RRP12: variants seen among roughly 807,000 people sequenced by gnomAD.
RRP12 encodes the protein ribosomal RNA processing 12 homolog.
In RRP12, 78 loss-of-function variants were observed where a neutral mutation model predicts 157.3. The ratio of observed to expected loss-of-function variants is 0.50; its 90% CI spans 0.41 to 0.60. The LOEUF is 0.60. Among genes scored for constraint, RRP12 ranks in the 20% least tolerant of loss-of-function variants. RRP12 has a pLI of 0.00. For missense variants in RRP12, 1,521 were observed against 1,679.9 expected, an observed-to-expected ratio of 0.91 and a Z score of 1.65; for synonymous variants, 726 against 670.9, an observed-to-expected ratio of 1.08 and a Z score of -1.27.
intron 14 of RRP12, 94 bp downstream of exon 14, chr10:97,379,534 C>A: frequency 1.9e-6 from 3 of 1,591,040 alleles, no homozygotes; most frequent in Non-Finnish European, 2.6e-6. Flanking sequence ...GAGCCCTGCA[C>A]TGACACAGAC....
intron 10 of RRP12, among the ~76,000 whole-genome samples, chr10:97,383,947 C>T (rs1018659231): frequency 4.6e-5 from 7 of 152,202 alleles, no homozygotes; most frequent in Non-Finnish European, 7.4e-5. Flanking sequence ...CCTGTCAGAA[C>T]GAGCTGCACT....
At chr10:97,396,091 A>C (rs1169593912) in intron 3 of RRP12, 127 bp downstream of exon 3, 3 of 692,160 alleles carry the variant, frequency 4.3e-6, no homozygotes, top group South Asian at 3.1e-5. Flanking sequence ...CCTGAGAATA[A>C]CTGAAGCACT....
intron 2 of RRP12, among the ~76,000 whole-genome samples, chr10:97,399,718 G>A (rs569676111): frequency 8.2e-5 from 12 of 146,542 alleles, no homozygotes; most frequent in Admixed American, 2.1e-4. Context: ...CAAAAAATTA[G>A]CTACTTGAAT....
At chr10:97,398,278 T>C in intron 2 of RRP12, among the ~76,000 whole-genome samples, 1 of 99,550 alleles carries the variant, frequency 1.0e-5, no homozygotes, top group Admixed American at 1.0e-4. Flanking sequence ...ATGGTCTCGA[T>C]CTCCTGACCT....
At chr10:97,358,821 C>A (rs1843774586) in intron 32 of RRP12, 122 bp downstream of exon 32, 1 of 868,218 alleles carries the variant, frequency 1.2e-6, no homozygotes, top group African/African-American at 1.7e-5. Flanking sequence ...CTTCTTCTTT[C>A]CTGGCCTCAG....
At chr10:97,396,554 T>C (rs562375294) in intron 2 of RRP12, among the ~76,000 whole-genome samples, 169 of 152,268 alleles carry the variant, frequency 1.1e-3, no homozygotes, top group African/African-American at 4.0e-3. Flanking sequence ...CAAATATTTA[T>C]GTACAAGGAT....
At chr10:97,365,935 C>T (rs963496703) in intron 29 of RRP12, 173 bp downstream of exon 29, 1 of 815,310 alleles carries the variant, frequency 1.2e-6, no homozygotes, top group Admixed American at 2.3e-5. Context: ...TCGGTTACAA[C>T]ATAAAAAGAT....
intron 33 of RRP12, among the ~76,000 whole-genome samples, chr10:97,358,145 C>T (rs1208472873): frequency 6.6e-6 from 1 of 151,564 alleles, no homozygotes; most frequent in Non-Finnish European, 1.5e-5. Flanking sequence ...CCATCCCAGC[C>T]AACGCGGTGA....
chr10:97,385,582 C>T (rs1844608911), intron 9 of RRP12, among the ~76,000 whole-genome samples: 1 of 152,094 alleles, frequency 6.6e-6, no homozygotes. Context: ...GATCCCCCCT[C>T]CCAATATCCA....
rs141246567 is a variant in RRP12, at chr10:97,385,183, G to A, written c.1191C>T (p.Ala397=). The A allele has an allele frequency of 1.9e-6, 3 of 1,613,862 alleles. No individual in the cohort carries two copies. Among genetic ancestry groups the A allele is most frequent in the Admixed American group, 1.7e-5 (1 of 60,022 alleles). The change falls in exon 10 of 34, where the codon GCC becomes GCT. Residue 397 remains alanine (A), a synonymous_variant. Transcript: ENST00000370992. The part of the protein sequence containing the change: ...LLAWLKVMEK[A]HINLVRLQWD... ...ATCCGTACCTCACCAGGTTGATGTGGGCTTTCTCCATGACCTTAAGCCAGG... is the reference window on the plus strand; with the variant it reads ...ATCCGTACCTCACCAGGTTGATGTGAGCTTTCTCCATGACCTTAAGCCAGG...
At chr10:97,382,871 C>T (rs1267400041) in intron 10 of RRP12, among the ~76,000 whole-genome samples, 7 of 152,144 alleles carry the variant, frequency 4.6e-5, no homozygotes, top group Admixed American at 2.0e-4. Context: ...AAGCGATTCT[C>T]GTGCCTCAGC....
intron 4 of RRP12, among the ~76,000 whole-genome samples, chr10:97,392,270 C>T (rs1362372212): frequency 1.3e-5 from 2 of 151,868 alleles, no homozygotes; most frequent in Non-Finnish European, 2.9e-5. Context: ...CACACCCAGC[C>T]AAGTATACTC....
At chr10:97,384,673 C>G (rs1315042012) in intron 10 of RRP12, among the ~76,000 whole-genome samples, 2 of 150,160 alleles carry the variant, frequency 1.3e-5, no homozygotes, top group Non-Finnish European at 3.0e-5. Flanking sequence ...ACTCCATAAC[C>G]TCAGCAGCCA....
At chr10:97,401,354 G>C (rs1399711153), upstream of RRP12, 5 of 1,280,156 alleles carry the variant, frequency 3.9e-6, no homozygotes, top group Non-Finnish European at 5.5e-6. Flanking sequence ...GTCACTTCCG[G>C]ATTCGTGTGC....
At chr10:97,389,367 A>G (rs1041090533) in intron 6 of RRP12, among the ~76,000 whole-genome samples, 13 of 152,062 alleles carry the variant, frequency 8.5e-5, no homozygotes, top group African/African-American at 3.1e-4. Flanking sequence ...TGCTGGGATT[A>G]CAGCCGTGAG....
chr10:97,386,755 C>T (rs1279533120), intron 8 of RRP12, among the ~76,000 whole-genome samples: 1 of 152,004 alleles, frequency 6.6e-6, no homozygotes, highest in Non-Finnish European at 1.5e-5. Context: ...CTTTGGGAGG[C>T]CGAGGTGAGT....
At chr10:97,368,658 A>G (rs1564751257) in intron 25 of RRP12, among the ~76,000 whole-genome samples, 1 of 152,202 alleles carries the variant, frequency 6.6e-6, no homozygotes, top group African/African-American at 2.4e-5. Context: ...GCAGCCGGCC[A>G]GGGCTTGTAT....
chr10:97,384,474 G>A (rs1455367757), intron 10 of RRP12, among the ~76,000 whole-genome samples: 1 of 146,988 alleles, frequency 6.8e-6, no homozygotes, highest in East Asian at 2.0e-4. Context: ...GAGGCCCTAA[G>A]GATTCCCCCA....
Position 97,379,335 on chromosome 10 carries a change from T to C in RRP12, c.1756A>G (p.Thr586Ala), listed in dbSNP as rs1437046990. The C allele has an allele frequency of 6.2e-7, 1 of 1,613,844 alleles. No homozygotes were observed. Among genetic ancestry groups the C allele is most frequent in the African/African-American group, 1.3e-5 (1 of 74,848 alleles). ...HVQETRLGFF[T>A]TYFLPLANTL... ...TTAGCCAGGGGCAAGAAGTAGGTGGTGAAAAAACCAAGTCGCGTTTCCTGA... is the reference window on the plus strand; with the variant it reads ...TTAGCCAGGGGCAAGAAGTAGGTGGCGAAAAAACCAAGTCGCGTTTCCTGA... Residue 586 changes from threonine (T) to alanine (A), a missense_variant, in exon 15 of 34, where the codon ACC becomes GCC. Thr to Ala is a moderately conservative substitution (Grantham distance 58, BLOSUM62 0). Transcript: ENST00000370992.
Sources: gnomAD v4.1 joint callset for allele counts (sites outside exome capture counted in the v4.1 genomes callset) on GRCh38, gnomAD v4.1.1 for gene constraint, MANE v1.5 for transcripts, NCBI Gene and HGNC (gene_info 2026-07-23, HGNC 2026-07-21) for gene names.